The following PEAR1 variants were observed in gnomAD, a reference collection of about 807,000 sequenced individuals.
PEAR1 encodes the protein multiple EGF-like domains protein 12.
Under a neutral mutation model 131.2 loss-of-function variants are expected in PEAR1, and 113 were observed. The observed-to-expected ratio is 0.86, with a 90% CI of 0.74 to 1.01. PEAR1 has a LOEUF of 1.01. Among genes scored for constraint, PEAR1 ranks in the 50% least tolerant of loss-of-function variants. The pLI, the probability that PEAR1 is intolerant of heterozygous loss-of-function variation, is 0.00. For missense variants in PEAR1, 1,408 were observed against 1,391.1 expected (o/e 1.01, Z -0.19); for synonymous variants, 565 against 523.3 (o/e 1.08, Z -1.09).
chr1:156,907,603 C>A lies in PEAR1; in HGVS notation c.645-7C>A, dbSNP rs1650477078. 2.5e-6 allele frequency: 4 copies of A among 1,609,084 alleles called. No individual in the cohort carries two copies. The highest frequency in any genetic ancestry group is 3.4e-6 in the Non-Finnish European group (4 of 1,177,728). ...TGCACATTGACTCCACCCACTCTGT[C>A]CTGCAGCTGTGACGTGTCCTGTTCC... On this transcript the variant is annotated splice_polypyrimidine_tract_variant and splice_region_variant and intron_variant, in intron 6 of 22. Transcript: ENST00000292357.
At chr1:156,907,482 C>G in intron 6 of PEAR1, 128 bp from the exon 7 acceptor site, 1 of 1,445,302 alleles carries the variant, frequency 6.9e-7, no homozygotes. Flanking sequence ...CTCGACAGTC[C>G]CCAGCAGGAA....
chr1:156,909,342 G>T (rs1650772283), intron 11 of PEAR1, among the ~76,000 whole-genome samples: 2 of 152,192 alleles, frequency 1.3e-5, no homozygotes, highest in African/African-American at 4.8e-5. Context: ...CCTCACATCT[G>T]CCAGAGTGAC....
rs754279678 is a variant in PEAR1 at position 156,914,691 on chromosome 1, C to A, written c.3007C>A (p.Pro1003Thr). Residue 1003 changes from proline to threonine, a missense_variant, in exon 23 of 23, where the codon CCC (proline) becomes ACC (threonine). Coordinates refer to ENST00000292357, the MANE Select transcript of PEAR1 (RefSeq NM_001080471.3). ...CCAGCCCCCTCTGCCTCCGGGCCTA[C>A]CCCCCGGCCACTATGACTCACCCAA... Reference protein sequence around the residue: ...GSQPPLPPGLPPGHYDSPKNS... With the variant: ...GSQPPLPPGLTPGHYDSPKNS... 1.2e-6 allele frequency: 2 copies of A among 1,611,936 alleles called. No homozygotes were observed. Among genetic ancestry groups the A allele is most frequent in the Admixed American group, 3.3e-5 (2 of 59,866 alleles).
intron 15 of PEAR1, among the ~76,000 whole-genome samples, chr1:156,911,586 G>T (rs1349052698): frequency 3.3e-5 from 5 of 149,918 alleles, no homozygotes; most frequent in African/African-American, 1.2e-4. Flanking sequence ...GAGCCACTGC[G>T]CCCAGCCCTT....
chr1:156,912,946 A>T lies in PEAR1; in HGVS notation c.2386A>T (p.Ser796Cys). The change falls in exon 18 of 23, where the codon AGC becomes TGC. Residue 796 changes from serine to cysteine, a missense_variant. Physicochemically the swap from Ser to Cys is moderately radical, Grantham distance 112. Transcript: ENST00000292357. ...EHHHLAVAYSSGRLDGSEYVM... is the reference protein window; with the variant it reads ...EHHHLAVAYSCGRLDGSEYVM... ...CCACCACCTGGCTGTGGCTTACAGCAGCGGGCGCCTGGACGGCTCCGAGTA... is the reference window on the plus strand; with the variant it reads ...CCACCACCTGGCTGTGGCTTACAGCTGCGGGCGCCTGGACGGCTCCGAGTA... 1 of 1,614,204 alleles carries T rather than the reference A, an allele frequency of 6.2e-7. No individual in the cohort carries two copies. The highest frequency in any genetic ancestry group is 8.5e-7 in the Non-Finnish European group (1 of 1,180,040).
rs765083012 is a variant in PEAR1 at position 156,913,904 on chromosome 1, G to A, written c.2766G>A (p.Glu922=). 6 of 1,614,052 alleles carry A rather than the reference G, an allele frequency of 3.7e-6. No homozygotes were observed. In the South Asian group the frequency reaches 6.6e-5, roughly 18 times the overall value. The part of the protein sequence containing the change: ...LGASVASLSS[E]NPYATIRDLP... ...CCAGTGTGGCTTCCCTGAGCAGTGA[G>A]AACCCATATGCCACCATCCGGGACC... The change falls in exon 22 of 23, where the codon GAG becomes GAA. Residue 922 remains glutamate (E), a synonymous_variant. Transcript: ENST00000292357.
In PEAR1 at chr1:156,914,913, A is replaced by T. The variant is rs1651728119; in HGVS notation, c.*115A>T. ...GGGAGTGGACCGGCAGGCTGTGAAC[A>T]TGAACAACGCTTAACAGAGCAAGTG... On this transcript the variant is annotated 3_prime_UTR_variant, in exon 23 of 23. Coordinates refer to ENST00000292357, the MANE Select transcript of PEAR1 (RefSeq NM_001080471.3). The T allele has an allele frequency of 8.3e-7, 1 of 1,205,504 alleles. No homozygotes were observed. Among genetic ancestry groups the T allele is most frequent in the Admixed American group, 2.4e-5 (1 of 41,842 alleles). 74.7% of individuals were successfully genotyped at this position (1,205,504 alleles called of 1,614,324 possible).
rs549260155 is a variant in PEAR1 at position 156,904,912 on chromosome 1, C to T, written c.206+60C>T. 3.1e-5 allele frequency: 50 copies of T among 1,607,756 alleles called. No individual in the cohort carries two copies. In the East Asian group the frequency reaches 1.1e-3, roughly 34 times the overall value. On this transcript the variant is annotated intron_variant, in intron 3 of 22. Transcript: ENST00000292357. ...TACCTGAGTCGCTGCCTCAGCCTGG[C>T]CCCTGGCCCTCTGTACCTGTTCACT...
At chr1:156,912,696 A>G (rs1651365019) in intron 17 of PEAR1, 74 bp downstream of exon 17, 5 of 1,610,472 alleles carry the variant, frequency 3.1e-6, no homozygotes, top group Non-Finnish European at 3.4e-6. Context: ...TACAGTCCCT[A>G]CTTCCCTCCT....
Position 156,909,913 on chromosome 1 carries a change from C to T in PEAR1, c.1574C>T (p.Pro525Leu), listed in dbSNP as rs776270751. Residue 525 changes from proline (P) to leucine (L), a missense_variant and splice_region_variant, in exon 12 of 23, where the codon CCG becomes CTG. Coordinates refer to ENST00000292357, the MANE Select transcript of PEAR1 (RefSeq NM_001080471.3). ...GGGGCCCACTGCCAGCTGCCCTGTC[C>T]GGTGAGTGCTGGACAGCCTGTCTGC... ...WHGAHCQLPC[P>L]KGQFGEGCAS... 3.8e-5 allele frequency: 61 copies of T among 1,608,728 alleles called. 2 individuals are homozygous for T. In the Middle Eastern group the frequency reaches 2.0e-3, roughly 52 times the overall value.
chr1:156,905,414 G>T lies in PEAR1; in HGVS notation c.297G>T (p.Gly99=). The change falls in exon 4 of 23, where the codon GGG becomes GGT. Residue 99 remains glycine, a synonymous_variant. Transcript: ENST00000292357. ...GCCATGGCTTCTATGAGAGCAGGGG[G>T]TTCTGTGTCCGTGAGTCCAGGGTTG... ...QCCHGFYESR[G]FCVPLCAQEC... is the part of the protein sequence containing the mutation. 6.2e-7 allele frequency: 1 copy of T among 1,604,286 alleles called. No individual in the cohort carries two copies. The highest frequency in any genetic ancestry group is 8.5e-7 in the Non-Finnish European group (1 of 1,175,504).
chr1:156,914,238 A>C, intron 22 of PEAR1, 138 bp downstream of exon 22: 2 of 1,368,826 alleles, frequency 1.5e-6, no homozygotes, highest in Non-Finnish European at 1.9e-6. Context: ...TCGGGCTCAA[A>C]TCAGGCATGA....
Position 156,905,118 on chromosome 1 carries a change from T to C in PEAR1, c.207-206T>C, listed in dbSNP as rs1650117505. The C allele has an allele frequency of 7.1e-6, 9 of 1,263,056 alleles. No individual in the cohort carries two copies. In the South Asian group the frequency reaches 1.2e-4, roughly 17 times the overall value. 78.2% of individuals were successfully genotyped at this position (1,263,056 alleles called of 1,614,324 possible). ...CAAGAAGGGAATGCTCTTTCTTTTT[T>C]TAATAGACAAGGTCTCGCTCTGTCA... On this transcript the variant is annotated intron_variant, in intron 3 of 22. Coordinates refer to ENST00000292357, the MANE Select transcript of PEAR1 (RefSeq NM_001080471.3).
intron 1 of PEAR1, among the ~76,000 whole-genome samples, chr1:156,897,486 C>T (rs550955744): frequency 8.5e-5 from 13 of 152,296 alleles, no homozygotes; most frequent in East Asian, 1.9e-4. Flanking sequence ...GGGTGAGTTC[C>T]GCTTGCTTCC....
chr1:156,903,332 C>T (rs1649874564), intron 1 of PEAR1, among the ~76,000 whole-genome samples: 2 of 152,164 alleles, frequency 1.3e-5, no homozygotes, highest in South Asian at 4.1e-4. Flanking sequence ...CCTGAGGTAG[C>T]CGATTCTATT....
intron 20 of PEAR1, 31 bp from the exon 21 acceptor site, chr1:156,913,661 G>A: frequency 1.2e-5 from 20 of 1,610,478 alleles, no homozygotes; most frequent in Non-Finnish European, 1.6e-5. Context: ...GGGGACAGAG[G>A]GCTGATTACC....
In PEAR1 at chr1:156,909,921, G is replaced by A. The variant is rs374247815; in HGVS notation, c.1575+7G>A. 6 of 1,611,238 alleles carry A rather than the reference G, an allele frequency of 3.7e-6. No individual in the cohort carries two copies. The African/African-American group carries it at 4.0e-5, about 11-fold the overall frequency. On this transcript the variant is annotated splice_region_variant and intron_variant, in intron 12 of 22. Coordinates refer to ENST00000292357, the MANE Select transcript of PEAR1 (RefSeq NM_001080471.3). ...CTGCCAGCTGCCCTGTCCGGTGAGT[G>A]CTGGACAGCCTGTCTGCCTGGGGGT...
intron 15 of PEAR1, among the ~76,000 whole-genome samples, chr1:156,911,285 CTT>C (rs11386240): frequency 3.2e-5 from 3 of 93,208 alleles, no homozygotes; most frequent in Non-Finnish European, 6.7e-5. Flanking sequence ...CTCTTTCTTT[CTT>C]TTTTTTTTTT....
At chr1:156,907,065 T>C (rs1460408437) in intron 6 of PEAR1, among the ~76,000 whole-genome samples, 185 bp downstream of exon 6, 1 of 152,194 alleles carries the variant, frequency 6.6e-6, no homozygotes, top group Non-Finnish European at 1.5e-5. Flanking sequence ...ATTGACTCGT[T>C]GTGGGCTTGT....
Sources: allele counts gnomAD v4.1 joint callset (sites outside exome capture counted in the v4.1 genomes callset), GRCh38; gene constraint gnomAD v4.1.1; transcripts MANE v1.5; gene names NCBI Gene and HGNC (gene_info 2026-07-23, HGNC 2026-07-21).